The following PALLD variants were observed in gnomAD, a reference collection of about 807,000 sequenced individuals.
PALLD encodes the protein palladin.
In PALLD, 61 loss-of-function variants were observed where a neutral mutation model predicts 123.5. The ratio of observed to expected loss-of-function variants is 0.49; its 90% CI spans 0.40 to 0.61. The LOEUF is 0.61. Ranked by LOEUF, PALLD falls within the 20% of genes least tolerant of loss-of-function variation. The pLI is 0.00. For synonymous variants in PALLD, 465 were observed against 496.4 expected (o/e 0.94, Z 0.84); for missense variants, 1,273 against 1,377.0 (o/e 0.92, Z 1.20).
At chr4:168,615,520 C>T (rs556197891) in intron 2 of PALLD, among the ~76,000 whole-genome samples, 8 of 152,288 alleles carry the variant, frequency 5.3e-5, no homozygotes, top group South Asian at 2.1e-4. Flanking sequence ...TACATTTCAA[C>T]GGGGCACAAA....
chr4:168,577,769 A>G (rs965327843), intron 2 of PALLD, among the ~76,000 whole-genome samples: 1 of 148,118 alleles, frequency 6.8e-6, no homozygotes, highest in African/African-American at 2.7e-5. Flanking sequence ...ACCATTACGC[A>G]AAAGAGGCCA....
chr4:168,825,833 A>G (rs933171093), intron 10 of PALLD, among the ~76,000 whole-genome samples: 2 of 152,206 alleles, frequency 1.3e-5, no homozygotes, highest in Non-Finnish European at 2.9e-5. Context: ...ATTCCTTGTT[A>G]TGGTGTCACC....
In PALLD at chr4:168,686,447, A is replaced by G. The variant is rs151042327; in HGVS notation, c.1335+888A>G. On this transcript the variant is annotated intron_variant, in intron 6 of 21. Transcript: ENST00000505667. The stretch of plus-strand genomic sequence containing the variant: ...GGTGTCCATGTGTTCTCATTGTTCA[A>G]CTCCCACTTATAAGTAAGAACATTC... Among the ~76,000 whole-genome samples the G allele has an allele frequency of 5.2e-3, 796 of 151,632 alleles. 5 individuals are homozygous for G. Among genetic ancestry groups the G allele is most frequent in the African/African-American group, 0.019 (768 of 41,288 alleles).
At chr4:168,751,023 T>G in intron 10 of PALLD, among the ~76,000 whole-genome samples, 1 of 151,838 alleles carries the variant, frequency 6.6e-6, no homozygotes, top group East Asian at 1.9e-4. Flanking sequence ...TGTATTTTTT[T>G]TTTTTTGAGA....
At chr4:168,706,312 T>G (rs1784226620) in intron 8 of PALLD, among the ~76,000 whole-genome samples, 1 of 152,194 alleles carries the variant, frequency 6.6e-6, no homozygotes, top group South Asian at 2.1e-4. Context: ...TTAGATTCAA[T>G]GTAGAACACA....
At chr4:168,925,125 T>C in intron 20 of PALLD, 47 bp downstream of exon 20, 1 of 1,609,178 alleles carries the variant, frequency 6.2e-7, no homozygotes, top group Non-Finnish European at 8.5e-7. Flanking sequence ...CATTAAATTA[T>C]GAAAAATTAG....
chr4:168,733,991 T>A (rs1030775478), intron 10 of PALLD, among the ~76,000 whole-genome samples: 2 of 152,208 alleles, frequency 1.3e-5, no homozygotes, highest in South Asian at 2.1e-4. Context: ...CGCCTTGGCC[T>A]CCCAAAGTGC....
chr4:168,888,015 G>A (rs1274739578), intron 10 of PALLD, among the ~76,000 whole-genome samples: 2 of 152,058 alleles, frequency 1.3e-5, no homozygotes, highest in African/African-American at 4.8e-5. Context: ...GCTTAGTCAG[G>A]GACATCCTTT....
intron 2 of PALLD, among the ~76,000 whole-genome samples, chr4:168,522,246 G>T (rs369032695): frequency 1.1e-4 from 17 of 152,166 alleles, no homozygotes; most frequent in African/African-American, 3.9e-4. Context: ...TCAGCAGGAA[G>T]AAAAATCTAA....
chr4:168,525,184 A>G (rs569677562), intron 2 of PALLD, among the ~76,000 whole-genome samples: 2 of 152,312 alleles, frequency 1.3e-5, no homozygotes, highest in Admixed American at 1.3e-4. Flanking sequence ...AAAGGGCCCC[A>G]ACCACACTTT....
chr4:168,847,311 A>G (rs1747008497), intron 10 of PALLD, among the ~76,000 whole-genome samples: 1 of 152,322 alleles, frequency 6.6e-6, no homozygotes, highest in South Asian at 2.1e-4. Flanking sequence ...TGAAGAGAGC[A>G]TGTCTATCAT....
At chr4:168,667,589 C>G (rs1181079551) in intron 2 of PALLD, among the ~76,000 whole-genome samples, 2 of 152,242 alleles carry the variant, frequency 1.3e-5, no homozygotes, top group East Asian at 3.9e-4. Context: ...AAAGTGCTGA[C>G]GAGCAAGAAT....
At chr4:168,647,780 C>CAAAAAA (rs34790739) in intron 2 of PALLD, 8 of 79,134 alleles carry the variant, frequency 1.0e-4, no homozygotes, top group Non-Finnish European at 1.7e-4. Context: ...GACTCTGTCT[C>CAAAAAA]AAAAAAAAAA....
At position 168,548,550 on chromosome 4, in the gene PALLD, G is replaced by T. The variant is rs570322231; in HGVS notation, c.908+36138G>T. Among the ~76,000 whole-genome samples, 28 of 152,200 alleles carry T rather than the reference G, an allele frequency of 1.8e-4. No individual in the cohort carries two copies. The South Asian group carries it at 5.8e-3, about 32-fold the overall frequency. On this transcript the variant is annotated intron_variant, in intron 2 of 21. Coordinates refer to ENST00000505667, the MANE Select transcript of PALLD (RefSeq NM_001166108.2). ...TCTCAGAAGAGGCTAATAAAATACTGATATGAGAGATGAGAGAGTCTGGCG... is the reference window on the plus strand; with the variant it reads ...TCTCAGAAGAGGCTAATAAAATACTTATATGAGAGATGAGAGAGTCTGGCG...
intron 2 of PALLD, among the ~76,000 whole-genome samples, chr4:168,641,942 G>T (rs1158525210): frequency 6.6e-6 from 1 of 152,182 alleles, no homozygotes; most frequent in Non-Finnish European, 1.5e-5. Context: ...GATGACTAGG[G>T]AATGGACAGC....
intron 18 of PALLD, among the ~76,000 whole-genome samples, chr4:168,922,384 C>A (rs1285939265): frequency 6.6e-6 from 1 of 152,126 alleles, no homozygotes; most frequent in Non-Finnish European, 1.5e-5. Context: ...ACATTTATTT[C>A]TTCTACCTCT....
chr4:168,511,380 G>A, intron 1 of PALLD, 43 bp from the exon 2 acceptor site: 1 of 709,090 alleles, frequency 1.4e-6, no homozygotes, highest in South Asian at 1.6e-5. Flanking sequence ...TTAAAATGGG[G>A]AAAAAATCAT....
chr4:168,741,064 T>C (rs944196651), intron 10 of PALLD, among the ~76,000 whole-genome samples: 2 of 152,222 alleles, frequency 1.3e-5, no homozygotes, highest in African/African-American at 4.8e-5. Flanking sequence ...CTTGATTAAC[T>C]TCATCTCAAG....
intron 2 of PALLD, among the ~76,000 whole-genome samples, chr4:168,613,414 C>G (rs1773924040): frequency 6.6e-6 from 1 of 152,228 alleles, no homozygotes; most frequent in Non-Finnish European, 1.5e-5. Flanking sequence ...GAATTCCCCT[C>G]ACCTACAGAC....
Sources: gnomAD v4.1 joint callset for allele counts (sites outside exome capture counted in the v4.1 genomes callset) on GRCh38, gnomAD v4.1.1 for gene constraint, MANE v1.5 for transcripts, NCBI Gene and HGNC (gene_info 2026-07-23, HGNC 2026-07-21) for gene names.